The following KCNH5 variants were observed in gnomAD, a reference collection of about 807,000 sequenced individuals.
KCNH5 encodes the protein voltage-gated delayed rectifier potassium channel KCNH5.
In KCNH5, 46 loss-of-function variants were observed where a neutral mutation model predicts 96.1. The observed-to-expected ratio is 0.48, with a 90% CI of 0.38 to 0.61. The LOEUF is 0.61. Ranked by LOEUF, KCNH5 falls within the 20% of genes least tolerant of loss-of-function variation. The pLI is 0.00. For missense variants in KCNH5, 907 were observed against 1,225.8 expected, an observed-to-expected ratio of 0.74 and a Z score of 3.88; for synonymous variants, 439 against 449.8, an observed-to-expected ratio of 0.98 and a Z score of 0.30.
intron 7 of KCNH5, among the ~76,000 whole-genome samples, chr14:62,925,547 A>T (rs1334497500): frequency 6.6e-6 from 1 of 152,122 alleles, no homozygotes; most frequent in Admixed American, 6.6e-5. Flanking sequence ...ATAGGTATAC[A>T]GATTTTGATA....
intron 10 of KCNH5, among the ~76,000 whole-genome samples, chr14:62,745,731 G>C (rs1199519066): frequency 2.0e-5 from 3 of 152,140 alleles, no homozygotes; most frequent in African/African-American, 7.2e-5. Context: ...GCATTCCATT[G>C]CAACTGTCTA....
At chr14:63,040,029 T>C (rs1373667176) in intron 1 of KCNH5, among the ~76,000 whole-genome samples, 3 of 152,096 alleles carry the variant, frequency 2.0e-5, no homozygotes, top group African/African-American at 7.2e-5. Flanking sequence ...AACCTTTTCC[T>C]AGGCTACACT....
chr14:62,908,723 G>A (rs1295627549), intron 7 of KCNH5, among the ~76,000 whole-genome samples: 1 of 147,988 alleles, frequency 6.8e-6, no homozygotes, highest in Non-Finnish European at 1.5e-5. Context: ...GGAAGATTGT[G>A]CCCAGTGTCC....
At chr14:62,990,141 G>A (rs1890783011) in intron 4 of KCNH5, among the ~76,000 whole-genome samples, 1 of 151,696 alleles carries the variant, frequency 6.6e-6, no homozygotes, top group South Asian at 2.1e-4. Flanking sequence ...GAAAAAAAAA[G>A]GAGACATTTA....
At chr14:62,940,175 A>G (rs1261761740) in intron 7 of KCNH5, among the ~76,000 whole-genome samples, 1 of 152,138 alleles carries the variant, frequency 6.6e-6, no homozygotes, top group Non-Finnish European at 1.5e-5. Flanking sequence ...CTGATCTGCC[A>G]CCTGCTTAAA....
intron 8 of KCNH5, among the ~76,000 whole-genome samples, chr14:62,828,232 G>A (rs1416192061): frequency 1.3e-5 from 2 of 151,806 alleles, no homozygotes; most frequent in Non-Finnish European, 2.9e-5. Flanking sequence ...TTATATTAGT[G>A]TTTTGCATTA....
intron 1 of KCNH5, among the ~76,000 whole-genome samples, chr14:63,033,715 C>A (rs1891671154): frequency 6.6e-6 from 1 of 150,734 alleles, no homozygotes; most frequent in Admixed American, 6.6e-5. Context: ...GTCATACAGT[C>A]AGTCAATAAA....
Position 63,001,398 on chromosome 14 carries a change from G to A in KCNH5, c.366C>T (p.Val122=), listed in dbSNP as rs114762892. 1 of 1,612,632 alleles carries A rather than the reference G, an allele frequency of 6.2e-7. No individual in the cohort carries two copies. The highest frequency in any genetic ancestry group is 8.5e-7 in the Non-Finnish European group (1 of 1,179,240). Residue 122 remains valine (V), a synonymous_variant, in exon 4 of 11, where the codon GTC becomes GTT. Transcript: ENST00000322893. ...TATCCTTGAAAGTACACAGGAACAAGACCACCTTTTCATGTTCATTTCTTA... is the reference window on the plus strand; with the variant it reads ...TATCCTTGAAAGTACACAGGAACAAAACCACCTTTTCATGTTCATTTCTTA... ...APIRNEHEKV[V]LFLCTFKDIT... is the part of the protein sequence containing the mutation.
At chr14:62,898,219 T>TA (rs1888854361) in intron 7 of KCNH5, among the ~76,000 whole-genome samples, 1 of 152,196 alleles carries the variant, frequency 6.6e-6, no homozygotes, top group Non-Finnish European at 1.5e-5. Flanking sequence ...CTATGATGTC[T>TA]AATTTCTGGA....
intron 10 of KCNH5, among the ~76,000 whole-genome samples, chr14:62,710,637 T>C (rs1172195777): frequency 3.9e-5 from 6 of 152,186 alleles, no homozygotes; most frequent in Admixed American, 3.9e-4. Context: ...ACCCTTTTTA[T>C]TTTTTTAAGG....
intron 7 of KCNH5, among the ~76,000 whole-genome samples, chr14:62,850,418 G>A (rs766395612): frequency 6.6e-6 from 1 of 152,182 alleles, no homozygotes; most frequent in African/African-American, 2.4e-5. Context: ...AAGATAAAGA[G>A]GTTTGGAGTT....
At chr14:62,828,036 T>G (rs149586333) in intron 8 of KCNH5, among the ~76,000 whole-genome samples, 1,550 of 152,210 alleles carry the variant, frequency 0.01, 13 homozygotes, top group Middle Eastern at 0.034. Context: ...AGACAAAATG[T>G]GGGCACCTTA....
chr14:62,900,595 C>T (rs1229602303), intron 7 of KCNH5, among the ~76,000 whole-genome samples: 1 of 151,820 alleles, frequency 6.6e-6, no homozygotes, highest in Non-Finnish European at 1.5e-5. Context: ...AGCTAAGTTA[C>T]AGTAAGTAGT....
At position 62,706,995 on chromosome 14, in the gene KCNH5, C is replaced by T. The variant is rs1289303975; in HGVS notation, c.*513G>A. On this transcript the variant is annotated 3_prime_UTR_variant, in exon 11 of 11. Coordinates refer to ENST00000322893, the MANE Select transcript of KCNH5 (RefSeq NM_139318.5). ...GTCATTTAAATGGAGCAAACACTGCCTGTAGGGGAAAAGAACCTAACACTA... is the reference window on the plus strand; with the variant it reads ...GTCATTTAAATGGAGCAAACACTGCTTGTAGGGGAAAAGAACCTAACACTA... The T allele has an allele frequency of 6.6e-6, 1 of 152,166 alleles. No homozygotes were observed. The allele number at this position is 152,166 out of a possible 1,614,324, so 9.4% of individuals were successfully genotyped here.
intron 10 of KCNH5, among the ~76,000 whole-genome samples, chr14:62,771,680 C>T (rs1885991120): frequency 6.6e-6 from 1 of 152,090 alleles, no homozygotes; most frequent in Admixed American, 6.6e-5. Flanking sequence ...GAAGATAAGC[C>T]TCTGAAGCCA....
chr14:62,950,564 A>G lies in KCNH5; in HGVS notation c.943-5T>C. On this transcript the variant is annotated splice_region_variant and splice_polypyrimidine_tract_variant and intron_variant, in intron 6 of 10. Coordinates refer to ENST00000322893, the MANE Select transcript of KCNH5 (RefSeq NM_139318.5). Reference sequence around the variant, plus strand: ...ACTGAAGAGACTGCTGATTCCCTGGATTTAAAAAAAAAAAAAAAATTACAC... The same window carrying G: ...ACTGAAGAGACTGCTGATTCCCTGGGTTTAAAAAAAAAAAAAAAATTACAC... 1 of 1,486,960 alleles carries G rather than the reference A, an allele frequency of 6.7e-7. No individual in the cohort carries two copies. The highest frequency in any genetic ancestry group is 8.9e-7 in the Non-Finnish European group (1 of 1,120,522). 92.1% of individuals were successfully genotyped at this position (1,486,960 alleles called of 1,614,324 possible).
intron 7 of KCNH5, among the ~76,000 whole-genome samples, chr14:62,894,173 A>G (rs1327508599): frequency 3.3e-5 from 5 of 152,234 alleles, no homozygotes; most frequent in Non-Finnish European, 7.3e-5. Flanking sequence ...AAAACAAAAA[A>G]TTATGAGAGA....
At chr14:63,024,009 A>G (rs977556116) in intron 1 of KCNH5, among the ~76,000 whole-genome samples, 82 of 152,162 alleles carry the variant, frequency 5.4e-4, no homozygotes, top group African/African-American at 1.8e-3. Flanking sequence ...GGCATTCAAG[A>G]CCAGCCTGCC....
chr14:62,769,684 A>C (rs1193723611), intron 10 of KCNH5, among the ~76,000 whole-genome samples: 1 of 152,254 alleles, frequency 6.6e-6, no homozygotes, highest in East Asian at 1.9e-4. Context: ...CTTATTGCCA[A>C]AGTTATCAAA....
Sources: allele counts gnomAD v4.1 joint callset (sites outside exome capture counted in the v4.1 genomes callset), GRCh38; gene constraint gnomAD v4.1.1; transcripts MANE v1.5; gene names NCBI Gene and HGNC (gene_info 2026-07-23, HGNC 2026-07-21).